MSL2: variants seen among roughly 807,000 people sequenced by gnomAD.
MSL2 encodes the protein E3 ubiquitin-protein ligase MSL2.
Under a neutral mutation model 35.8 loss-of-function variants are expected in MSL2, and 2 were observed. That is an observed-to-expected ratio of 0.06 (90% CI 0.02 to 0.18). The LOEUF is 0.18. Ranked by LOEUF, MSL2 falls within the 10% of genes least tolerant of loss-of-function variation. The pLI, the probability that MSL2 is intolerant of heterozygous loss-of-function variation, is 1.00. For missense variants in MSL2, 523 were observed against 706.7 expected (o/e 0.74, Z 2.95); for synonymous variants, 296 against 255.7 (o/e 1.16, Z -1.50).
intron 1 of MSL2, among the ~76,000 whole-genome samples, chr3:136,193,784 TTAAG>T (rs1281280679): frequency 1.2e-4 from 18 of 152,154 alleles, no homozygotes; most frequent in African/African-American, 4.1e-4. Flanking sequence ...CTCTAAGGTG[TTAAG>T]TGTCTGTCAC....
chr3:136,170,277 C>T (rs1939986750), intron 1 of MSL2, among the ~76,000 whole-genome samples: 2 of 147,802 alleles, frequency 1.4e-5, no homozygotes, highest in Non-Finnish European at 3.0e-5. Flanking sequence ...CATTTGAGCC[C>T]AGGAGGCAGA....
intron 1 of MSL2, among the ~76,000 whole-genome samples, chr3:136,179,263 A>C (rs921735588): frequency 2.6e-5 from 4 of 151,908 alleles, no homozygotes; most frequent in Admixed American, 6.6e-5. Context: ...CATGGTTCAA[A>C]CCAGCCTCAA....
chr3:136,179,961 G>A (rs984544086), intron 1 of MSL2, among the ~76,000 whole-genome samples: 2 of 152,148 alleles, frequency 1.3e-5, no homozygotes, highest in African/African-American at 2.4e-5. Flanking sequence ...AGCTACTCAA[G>A]AGGCTGAGGC....
chr3:136,195,945 A>G lies in MSL2; in HGVS notation c.-832T>C, dbSNP rs1220279093. 4.5e-6 allele frequency: 2 copies of G among 443,130 alleles called. No homozygotes were observed. Among genetic ancestry groups the G allele is most frequent in the African/African-American group, 4.4e-5 (2 of 45,478 alleles). 27.4% of individuals were successfully genotyped at this position (443,130 alleles called of 1,614,324 possible). On this transcript the variant is annotated 5_prime_UTR_variant, in exon 1 of 2. Transcript: ENST00000309993. ...CAGTCGCACACTCCGGGGTCACCAG[A>G]CTCAAGCGCCGCCCCCTCACTGCCC... is the stretch of plus-strand genomic sequence containing the variant.
intron 1 of MSL2, among the ~76,000 whole-genome samples, chr3:136,160,275 CAA>C (rs775528119): frequency 2.1e-4 from 4 of 18,756 alleles, no homozygotes; most frequent in African/African-American, 9.6e-4. Context: ...GACTCTGTCT[CAA>C]AAAAAAAAAA....
intron 1 of MSL2, among the ~76,000 whole-genome samples, chr3:136,180,191 ACTT>A (rs1336365784): frequency 2.0e-5 from 3 of 152,302 alleles, no homozygotes; most frequent in Admixed American, 6.5e-5. Context: ...TGATATTTGG[ACTT>A]CTTATGTTTC....
At chr3:136,186,534 T>A (rs1270680844) in intron 1 of MSL2, among the ~76,000 whole-genome samples, 1 of 152,196 alleles carries the variant, frequency 6.6e-6, no homozygotes, top group Non-Finnish European at 1.5e-5. Context: ...CATTACCACC[T>A]GAGCTCTGCC....
chr3:136,175,261 T>G (rs1940140587), intron 1 of MSL2, among the ~76,000 whole-genome samples: 1 of 151,762 alleles, frequency 6.6e-6, no homozygotes, highest in Non-Finnish European at 1.5e-5. Flanking sequence ...GGAGAATCAC[T>G]TCAACCCAGG....
chr3:136,175,781 T>G (rs1198544670), intron 1 of MSL2, among the ~76,000 whole-genome samples: 4 of 152,334 alleles, frequency 2.6e-5, no homozygotes. Flanking sequence ...CTTTTCCAAA[T>G]GAAGAGTGAA....
At position 136,150,848 on chromosome 3, in the gene MSL2, A is replaced by G; in HGVS notation, c.*299T>C. On this transcript the variant is annotated 3_prime_UTR_variant, in exon 2 of 2. Coordinates refer to ENST00000309993, the MANE Select transcript of MSL2 (RefSeq NM_018133.4). ...CTTTGATTATGCACAAAGCATGGCC[A>G]TAAACAATGAGGTTAATGTTATTTT... The G allele has an allele frequency of 3.2e-6, 1 of 308,404 alleles. No individual in the cohort carries two copies. The highest frequency in any genetic ancestry group is 4.3e-5 in the Admixed American group (1 of 23,036). 19.1% of individuals were successfully genotyped at this position (308,404 alleles called of 1,614,324 possible).
intron 1 of MSL2, among the ~76,000 whole-genome samples, chr3:136,160,126 A>C (rs895394817): frequency 6.6e-6 from 1 of 151,288 alleles, no homozygotes; most frequent in Admixed American, 6.6e-5. Context: ...ATAAAATAAA[A>C]TTAGCTAGGC....
Position 136,149,120 on chromosome 3 carries a change from A to C in MSL2, c.*2027T>G, listed in dbSNP as rs1185323462. 2 of 121,940 alleles carry C rather than the reference A, an allele frequency of 1.6e-5. No individual in the cohort carries two copies. Among genetic ancestry groups the C allele is most frequent in the East Asian group, 2.1e-4 (1 of 4,760 alleles). 7.6% of individuals were successfully genotyped at this position (121,940 alleles called of 1,614,324 possible). A position where few individuals can be genotyped will look rare whatever the true frequency, so the allele number is the denominator to read the frequency against. On this transcript the variant is annotated 3_prime_UTR_variant, in exon 2 of 2. Transcript: ENST00000309993. ...CTATATTGCCAACCTCCCATGCATC[A>C]AAAAAAAAAAAAAACCCACAAGATT...
intron 1 of MSL2, among the ~76,000 whole-genome samples, chr3:136,158,525 C>A (rs1939600873): frequency 6.6e-6 from 1 of 151,998 alleles, no homozygotes; most frequent in Non-Finnish European, 1.5e-5. Flanking sequence ...AGGTAAAACA[C>A]AACGCTTTCC....
chr3:136,159,354 C>CTTTTTTTT lies in MSL2; in HGVS notation c.143-6624_143-6617dup, dbSNP rs71157361. Among the ~76,000 whole-genome samples the CTTTTTTTT allele has an allele frequency of 1.3e-4, 9 of 70,062 alleles. 1 individual carries two copies. The highest frequency in any genetic ancestry group is 3.3e-4 in the African/African-American group (6 of 18,012). 46.0% of individuals were successfully genotyped at this position (70,062 alleles called of 152,430 possible). On this transcript the variant is annotated intron_variant, in intron 1 of 1. Transcript: ENST00000309993. ...TTCAATGGGGAAAGGAGAGTACTTT[C>CTTTTTTTT]TTTTTTTTTTTTTTTTTTTTTTTTT...
intron 1 of MSL2, among the ~76,000 whole-genome samples, chr3:136,190,777 T>C (rs1267855634): frequency 6.6e-6 from 1 of 152,226 alleles, no homozygotes; most frequent in Non-Finnish European, 1.5e-5. Flanking sequence ...AAAACAATTC[T>C]ACTTTCTGAT....
chr3:136,177,092 C>A lies in MSL2; in HGVS notation c.142+17880G>T, dbSNP rs138806800. Among the ~76,000 whole-genome samples, 48 of 152,226 alleles carry A rather than the reference C, an allele frequency of 3.2e-4. 1 individual carries two copies. The East Asian group carries it at 8.9e-3, about 28-fold the overall frequency. The stretch of plus-strand genomic sequence containing the variant: ...TAAAACCTGTTACTGTAAACCTCCA[C>A]CCACTTTATTTTAGTACTGAACCAA... On this transcript the variant is annotated intron_variant, in intron 1 of 1. Transcript: ENST00000309993.
At chr3:136,165,619 A>T (rs1201280604) in intron 1 of MSL2, among the ~76,000 whole-genome samples, 1 of 152,246 alleles carries the variant, frequency 6.6e-6, no homozygotes, top group Non-Finnish European at 1.5e-5. Flanking sequence ...TTTCAAACAG[A>T]CAAAAGAACA....
intron 1 of MSL2, among the ~76,000 whole-genome samples, chr3:136,162,264 T>C (rs1204019698): frequency 1.4e-5 from 2 of 139,032 alleles, no homozygotes; most frequent in Non-Finnish European, 3.1e-5. Flanking sequence ...AGATAAACCA[T>C]AAGGTTTTTA....
rs1365104525 is a variant in MSL2 at position 136,148,975 on chromosome 3, A to C, written c.*2172T>G. The C allele has an allele frequency of 6.6e-6, 1 of 152,586 alleles. No homozygotes were observed. Among genetic ancestry groups the C allele is most frequent in the Admixed American group, 6.5e-5 (1 of 15,268 alleles). 9.5% of individuals were successfully genotyped at this position (152,586 alleles called of 1,614,324 possible). A position where few individuals can be genotyped will look rare whatever the true frequency, so the allele number is the denominator to read the frequency against. ...TAAGGTGTAATACAGGTTTCCAAAA[A>C]TGTGGCAGTGAGAATACCAGCATAA... On this transcript the variant is annotated 3_prime_UTR_variant, in exon 2 of 2. Transcript: ENST00000309993.
Sources: allele counts gnomAD v4.1 joint callset (sites outside exome capture counted in the v4.1 genomes callset), GRCh38; gene constraint gnomAD v4.1.1; transcripts MANE v1.5; gene names NCBI Gene and HGNC (gene_info 2026-07-23, HGNC 2026-07-21).